The following NRXN3 variants were observed in gnomAD, a reference collection of about 807,000 sequenced individuals.
NRXN3 encodes neurexin III.
A neutral mutation model predicts 137.6 loss-of-function variants in NRXN3; 32 were observed. The observed-to-expected ratio is 0.23, with a 90% CI of 0.18 to 0.31. NRXN3 has a LOEUF of 0.31. NRXN3 is among the 10% of genes least tolerant of loss of function. NRXN3 has a pLI of 1.00. For synonymous variants in NRXN3, 798 were observed against 784.5 expected, an observed-to-expected ratio of 1.02 and a Z score of -0.29; for missense variants, 1,574 against 2,062.5, an observed-to-expected ratio of 0.76 and a Z score of 4.59.
chr14:78,905,231 C>T (rs774403941), intron 10 of NRXN3, among the ~76,000 whole-genome samples: 5 of 152,022 alleles, frequency 3.3e-5, no homozygotes, highest in Non-Finnish European at 5.9e-5. Context: ...CTACTCCACA[C>T]CTACACAAAA....
intron 3 of NRXN3, among the ~76,000 whole-genome samples, chr14:78,294,412 C>T (rs558837211): frequency 6.6e-6 from 1 of 152,024 alleles, no homozygotes; most frequent in East Asian, 1.9e-4. Context: ...AAAATTTAGC[C>T]AGGCATGGTG....
intron 15 of NRXN3, among the ~76,000 whole-genome samples, chr14:79,410,705 C>T (rs1265506326): frequency 1.3e-5 from 2 of 152,036 alleles, no homozygotes; most frequent in Non-Finnish European, 2.9e-5. Context: ...AAAGTTTATT[C>T]ATTGCCGATT....
chr14:79,653,939 G>C (rs2098490828), intron 16 of NRXN3, among the ~76,000 whole-genome samples: 1 of 152,118 alleles, frequency 6.6e-6, no homozygotes, highest in Admixed American at 6.6e-5. Context: ...CTGCACCTAA[G>C]GGACCTTGGA....
chr14:78,718,174 C>T (rs974421512), intron 8 of NRXN3, among the ~76,000 whole-genome samples: 3 of 152,136 alleles, frequency 2.0e-5, no homozygotes, highest in Admixed American at 6.5e-5. Flanking sequence ...ATTCTAGAAT[C>T]AAGTCTAAGT....
At chr14:79,137,574 A>G (rs1400290899) in intron 15 of NRXN3, among the ~76,000 whole-genome samples, 1 of 152,224 alleles carries the variant, frequency 6.6e-6, no homozygotes, top group Non-Finnish European at 1.5e-5. Flanking sequence ...ATTGAGTCTA[A>G]TAAAATAATT....
At chr14:79,487,941 A>T (rs115466968) in intron 16 of NRXN3, among the ~76,000 whole-genome samples, 1 of 152,178 alleles carries the variant, frequency 6.6e-6, no homozygotes, top group African/African-American at 2.4e-5. Flanking sequence ...ACAGGACTGC[A>T]TCTGGGATAC....
intron 15 of NRXN3, among the ~76,000 whole-genome samples, chr14:79,139,920 T>A (rs2058635508): frequency 6.7e-6 from 1 of 149,622 alleles, no homozygotes; most frequent in South Asian, 2.1e-4. Context: ...TATATATATA[T>A]ATATATCATA....
intron 4 of NRXN3, among the ~76,000 whole-genome samples, chr14:78,582,990 G>T (rs2097018737): frequency 6.6e-6 from 1 of 152,002 alleles, no homozygotes; most frequent in African/African-American, 2.4e-5. Context: ...TTTATAAATG[G>T]AATTGGCTGG....
chr14:78,297,788 C>T, intron 3 of NRXN3, 43 bp from the exon 4 acceptor site: 3 of 1,368,512 alleles, frequency 2.2e-6, no homozygotes, highest in South Asian at 1.2e-5. Flanking sequence ...TTTCCTTACC[C>T]TTCCCCACTC....
intron 20 of NRXN3, among the ~76,000 whole-genome samples, chr14:79,842,745 T>G (rs990986347): frequency 6.6e-6 from 1 of 152,308 alleles, no homozygotes; most frequent in African/African-American, 2.4e-5. Flanking sequence ...TTTCCCCTTA[T>G]GTCAAGAGTA....
Position 79,274,606 on chromosome 14 carries a change from C to T in NRXN3, c.3263-192615C>T, listed in dbSNP as rs181599046. On this transcript the variant is annotated intron_variant, in intron 15 of 20. Coordinates refer to ENST00000335750, the MANE Select transcript of NRXN3 (RefSeq NM_001330195.2). ...TCTATGAGAAACTAATTAAGCCCTG[C>T]CTTTGAGTAAAAGAGAAAAAAAAAA... 1.5e-3 allele frequency among the ~76,000 whole-genome samples: 222 copies of T among 145,508 alleles called. 2 individuals carry two copies. Among genetic ancestry groups the T allele is most frequent in the African/African-American group, 5.5e-3 (205 of 37,356 alleles).
chr14:78,239,457 C>T (rs776834441), intron 1 of NRXN3, among the ~76,000 whole-genome samples: 1 of 152,170 alleles, frequency 6.6e-6, no homozygotes, highest in Admixed American at 6.5e-5. Context: ...GTTGGCATAC[C>T]TCACCTCATA....
chr14:79,862,256 C>G lies in NRXN3; in HGVS notation c.*292C>G, dbSNP rs572619614. The stretch of plus-strand genomic sequence containing the variant: ...ACACACTTAGCGCTCTGGAGCCGGA[C>G]GGTGGCTCCACCACTTCCGCAGGCC... On this transcript the variant is annotated 3_prime_UTR_variant, in exon 21 of 21. Coordinates refer to ENST00000335750, the MANE Select transcript of NRXN3 (RefSeq NM_001330195.2). 4.3e-5 allele frequency: 11 copies of G among 258,244 alleles called. No individual in the cohort carries two copies. The East Asian group carries it at 7.8e-4, about 18-fold the overall frequency. The allele number at this position is 258,244 out of a possible 1,614,324, so 16.0% of individuals were successfully genotyped here.
At chr14:79,182,913 A>T (rs2063097460) in intron 15 of NRXN3, among the ~76,000 whole-genome samples, 1 of 152,214 alleles carries the variant, frequency 6.6e-6, no homozygotes, top group African/African-American at 2.4e-5. Context: ...AAATTATATC[A>T]TTGATTAAAT....
rs111609164 is a variant in NRXN3 at position 78,532,942 on chromosome 14, C to T, written c.758-112178C>T. Among the ~76,000 whole-genome samples, 235 of 152,146 alleles carry T rather than the reference C, an allele frequency of 1.5e-3. 1 individual carries two copies. The highest frequency in any genetic ancestry group is 5.6e-3 in the African/African-American group (231 of 41,508). On this transcript the variant is annotated intron_variant, in intron 4 of 20. Coordinates refer to ENST00000335750, the MANE Select transcript of NRXN3 (RefSeq NM_001330195.2). ...GCTGTCTCAGAAACGTCACATCTTC[C>T]ACACCCATCAAGCTCTAATTACTTT... is the stretch of plus-strand genomic sequence containing the variant.
intron 19 of NRXN3, among the ~76,000 whole-genome samples, chr14:79,731,376 A>G (rs1015514470): frequency 3.3e-5 from 5 of 152,208 alleles, no homozygotes; most frequent in Admixed American, 1.3e-4. Context: ...TATTTAAAAG[A>G]TTTCACAGGA....
At chr14:79,749,699 T>A (rs1235441041) in intron 19 of NRXN3, among the ~76,000 whole-genome samples, 1 of 152,150 alleles carries the variant, frequency 6.6e-6, no homozygotes, top group Non-Finnish European at 1.5e-5. Context: ...TTGTCACCCC[T>A]CACCACATTG....
At chr14:78,637,678 T>C (rs1183893356) in intron 4 of NRXN3, among the ~76,000 whole-genome samples, 1 of 152,252 alleles carries the variant, frequency 6.6e-6, no homozygotes, top group Admixed American at 6.5e-5. Flanking sequence ...TCTGTCTGAT[T>C]GAAAGCTTTT....
At chr14:79,541,681 A>G (rs1567443229) in intron 16 of NRXN3, among the ~76,000 whole-genome samples, 1 of 152,210 alleles carries the variant, frequency 6.6e-6, no homozygotes, top group Non-Finnish European at 1.5e-5. Flanking sequence ...AAAACCTTGG[A>G]ACTGTAATTG....
Sources: gnomAD v4.1 joint callset for allele counts (sites outside exome capture counted in the v4.1 genomes callset) on GRCh38, gnomAD v4.1.1 for gene constraint, MANE v1.5 for transcripts, NCBI Gene and HGNC (gene_info 2026-07-23, HGNC 2026-07-21) for gene names.